CTNNA3: variants seen among roughly 807,000 people sequenced by gnomAD.
The protein encoded by CTNNA3 is catenin alpha 3, also known as catenin alpha-3.
Under a neutral mutation model 95.7 loss-of-function variants are expected in CTNNA3, and 76 were observed. That is an observed-to-expected ratio of 0.79 (90% confidence interval 0.66 to 0.96). The LOEUF is 0.96. Ranked by LOEUF, CTNNA3 falls within the 40% of genes least tolerant of loss-of-function variation. The probability of loss-of-function intolerance (pLI) is 0.00; values close to 1 mark genes in which losing one functional copy is unlikely to be tolerated. For missense variants in CTNNA3, 1,191 were observed against 1,089.8 expected, an observed-to-expected ratio of 1.09 and a Z score of -1.31; for synonymous variants, 431 against 374.4, an observed-to-expected ratio of 1.15 and a Z score of -1.74.
At chr10:65,933,012 TGCTATA>T (rs2077278356) in intron 17 of CTNNA3, among the ~76,000 whole-genome samples, 2 of 152,146 alleles carry the variant, frequency 1.3e-5, no homozygotes, top group South Asian at 4.1e-4. Context: ...AATTTTTGAA[TGCTATA>T]TGCCTAATAA....
Position 66,944,624 on chromosome 10 carries a change from A to G in CTNNA3, c.1048-169100T>C, listed in dbSNP as rs111316919. ...AGATCCATCAAAGGAATTATTATCC[A>G]AGGCAGCATGAGACTTATAAAAGGT... On this transcript the variant is annotated intron_variant, in intron 7 of 17. Transcript: ENST00000433211. Among the ~76,000 whole-genome samples, 1,305 of 152,284 alleles carry G rather than the reference A, an allele frequency of 8.6e-3. 13 individuals carry two copies. The highest frequency in any genetic ancestry group is 0.024 in the Middle Eastern group (7 of 294).
rs116721302 is a variant in CTNNA3 at position 66,656,962 on chromosome 10, G to A, written c.1282-35178C>T. On this transcript the variant is annotated intron_variant, in intron 9 of 17. Coordinates refer to ENST00000433211, the MANE Select transcript of CTNNA3 (RefSeq NM_013266.4). ...AAAACTTTTAAAAGATAATCCATATGTCCCCACACTTCATACTCTTGCACT... is the reference window on the plus strand; with the variant it reads ...AAAACTTTTAAAAGATAATCCATATATCCCCACACTTCATACTCTTGCACT... 4.1e-3 allele frequency among the ~76,000 whole-genome samples: 620 copies of A among 152,150 alleles called. 6 individuals are homozygous for A. Among genetic ancestry groups the A allele is most frequent in the African/African-American group, 0.014 (570 of 41,540 alleles).
At chr10:67,424,993 G>A (rs765035072) in intron 5 of CTNNA3, among the ~76,000 whole-genome samples, 6 of 152,046 alleles carry the variant, frequency 3.9e-5, no homozygotes, top group Admixed American at 2.0e-4. Flanking sequence ...AAATGTTTTC[G>A]GAATTAACTG....
In CTNNA3 at chr10:66,198,292, G is replaced by A. The variant is rs182618116; in HGVS notation, c.1884+82178C>T. 1.1e-3 allele frequency among the ~76,000 whole-genome samples: 163 copies of A among 152,194 alleles called. 1 individual carries two copies. Among genetic ancestry groups the A allele is most frequent in the Admixed American group, 0.01 (154 of 15,270 alleles). ...CAAAGCGTTTTTAATGAGATCTGAA[G>A]AAAGAGCCAAGTTTAATCTGCATAT... On this transcript the variant is annotated intron_variant, in intron 13 of 17. Transcript: ENST00000433211.
chr10:66,084,154 A>AAAAAAAAAAAAAAAAAAG (rs1564627073), intron 14 of CTNNA3, among the ~76,000 whole-genome samples: 6 of 141,340 alleles, frequency 4.2e-5, no homozygotes, highest in South Asian at 4.7e-4. Context: ...AAAAGAAAAA[A>AAAAAAAAAAAAAAAAAAG]AAAGAAAAAG....
In CTNNA3 at chr10:65,920,494, G is replaced by A. The variant is rs199852825; in HGVS notation, c.2524C>T (p.Arg842Trp). The change falls in exon 18 of 18, where the codon CGG becomes TGG. Residue 842 changes from arginine to tryptophan, a missense_variant. Coordinates refer to ENST00000433211, the MANE Select transcript of CTNNA3 (RefSeq NM_013266.4). ...ATTCTCCACATCACAACTGGGTGCCGGGGCCCAGCAGGACTCTGGATTCGG... is the reference window on the plus strand; with the variant it reads ...ATTCTCCACATCACAACTGGGTGCCAGGGCCCAGCAGGACTCTGGATTCGG... ...IIRIQSPAGP[R>W]HPVVMWRMKA... is the part of the protein sequence containing the mutation. 134 of 1,613,964 alleles carry A rather than the reference G, an allele frequency of 8.3e-5. No homozygotes were observed. Among genetic ancestry groups the A allele is most frequent in the Admixed American group, 6.7e-4 (40 of 59,992 alleles).
chr10:67,497,153 A>G (rs987418864), intron 5 of CTNNA3, among the ~76,000 whole-genome samples: 1 of 152,036 alleles, frequency 6.6e-6, no homozygotes, highest in African/African-American at 2.4e-5. Flanking sequence ...TCATTGTTCA[A>G]TTCCTACTTA....
intron 11 of CTNNA3, among the ~76,000 whole-genome samples, chr10:66,491,621 C>T (rs1839926578): frequency 6.6e-6 from 1 of 152,104 alleles, no homozygotes; most frequent in Non-Finnish European, 1.5e-5. Context: ...TTTGCCTGCT[C>T]TTTTGGTAAA....
chr10:67,700,372 C>T (rs960157048), upstream of CTNNA3, among the ~76,000 whole-genome samples: 1 of 152,118 alleles, frequency 6.6e-6, no homozygotes, highest in African/African-American at 2.4e-5. Flanking sequence ...CTGGGAGGCA[C>T]CCCCCAGTAG....
chr10:65,949,059 C>G (rs1248937295), intron 17 of CTNNA3, among the ~76,000 whole-genome samples: 1 of 145,586 alleles, frequency 6.9e-6, no homozygotes, highest in South Asian at 2.3e-4. Flanking sequence ...CAGGTGGAAA[C>G]AAACTCTATT....
At chr10:66,221,007 C>A (rs2088898855) in intron 13 of CTNNA3, among the ~76,000 whole-genome samples, 1 of 152,168 alleles carries the variant, frequency 6.6e-6, no homozygotes, top group African/African-American at 2.4e-5. Flanking sequence ...CCAGGGATCG[C>A]CCGCTTCTAC....
At chr10:67,262,098 G>A (rs74142463) in intron 5 of CTNNA3, among the ~76,000 whole-genome samples, 1 of 151,854 alleles carries the variant, frequency 6.6e-6, no homozygotes, top group East Asian at 1.9e-4. Context: ...ATATTTCAAT[G>A]ATCTGATACT....
chr10:67,716,144 T>A (rs1476302502), intron 1 of CTNNA3, among the ~76,000 whole-genome samples: 3 of 152,180 alleles, frequency 2.0e-5, no homozygotes, highest in African/African-American at 7.2e-5. Flanking sequence ...AATATAGGTA[T>A]ATTAACAATT....
Position 67,340,046 on chromosome 10 carries a change from G to A in CTNNA3, c.580-120176C>T, listed in dbSNP as rs74142491. Among the ~76,000 whole-genome samples the A allele has an allele frequency of 2.2e-3, 335 of 151,992 alleles. 1 individual carries two copies. Among genetic ancestry groups the A allele is most frequent in the African/African-American group, 7.7e-3 (318 of 41,454 alleles). ...TTTAAATGCCTAATAAAATAATATT[G>A]TTCATTAATATATTAATTGTCCTGC... is the stretch of plus-strand genomic sequence containing the variant. On this transcript the variant is annotated intron_variant, in intron 5 of 17. Transcript: ENST00000433211.
intron 15 of CTNNA3, among the ~76,000 whole-genome samples, chr10:66,023,757 T>G (rs567692214): frequency 9.2e-5 from 14 of 152,138 alleles, no homozygotes; most frequent in Non-Finnish European, 1.9e-4. Context: ...CTACAGAAAC[T>G]TTTAGGCCTT....
intron 9 of CTNNA3, among the ~76,000 whole-genome samples, chr10:66,665,248 A>G (rs1298386174): frequency 1.3e-5 from 2 of 152,166 alleles, no homozygotes; most frequent in Non-Finnish European, 2.9e-5. Flanking sequence ...GGAGAAAAAC[A>G]TGAACAAAAT....
At chr10:67,418,163 T>C (rs1165573412) in intron 5 of CTNNA3, among the ~76,000 whole-genome samples, 3 of 152,152 alleles carry the variant, frequency 2.0e-5, no homozygotes, top group Admixed American at 2.0e-4. Context: ...CCTTTATTAT[T>C]TTGGAAAGCA....
intron 5 of CTNNA3, among the ~76,000 whole-genome samples, chr10:67,409,546 G>T (rs897358239): frequency 2.3e-4 from 35 of 150,898 alleles, no homozygotes; most frequent in African/African-American, 8.3e-4. Context: ...GAGAACACAT[G>T]AACACATTGA....
intron 5 of CTNNA3, among the ~76,000 whole-genome samples, chr10:67,383,860 A>G (rs555374044): frequency 6.6e-6 from 1 of 152,358 alleles, no homozygotes; most frequent in African/African-American, 2.4e-5. Flanking sequence ...ACAGAGAAGT[A>G]AAAATAATCT....
Sources: allele counts gnomAD v4.1 joint callset (sites outside exome capture counted in the v4.1 genomes callset), GRCh38; gene constraint gnomAD v4.1.1; transcripts MANE v1.5; gene names NCBI Gene and HGNC (gene_info 2026-07-23, HGNC 2026-07-21).